Variants in GRB2 observed in about 807,000 individuals in gnomAD.
GRB2 encodes growth factor receptor bound protein 2.
In GRB2, 2 loss-of-function variants were observed where a neutral mutation model predicts 27.4. That is an observed-to-expected ratio of 0.07 (90% CI 0.03 to 0.23). The LOEUF is 0.23. GRB2 is among the 10% of genes least tolerant of loss of function. The probability of loss-of-function intolerance (pLI) is 1.00; values close to 1 mark genes in which losing one functional copy is unlikely to be tolerated. For synonymous variants in GRB2, 94 were observed against 99.6 expected (o/e 0.94, Z 0.33); for missense variants, 102 against 282.4 (o/e 0.36, Z 4.58).
chr17:75,364,180 A>G (rs951935376), intron 2 of GRB2, among the ~76,000 whole-genome samples: 7 of 152,184 alleles, frequency 4.6e-5, no homozygotes, highest in Non-Finnish European at 8.8e-5. Context: ...ACGCATAGCC[A>G]CCAAGCTGCC....
chr17:75,402,496 T>G (rs533188294), intron 1 of GRB2, among the ~76,000 whole-genome samples: 42 of 152,256 alleles, frequency 2.8e-4, no homozygotes, highest in Non-Finnish European at 5.0e-4. Flanking sequence ...AATGTAATTT[T>G]AAGTTGAATT....
chr17:75,404,782 G>A (rs1342053976), intron 1 of GRB2: 1 of 152,146 alleles, frequency 6.6e-6, no homozygotes, highest in African/African-American at 2.4e-5. Flanking sequence ...CACTTTCACA[G>A]CGTTTGAAGC....
At chr17:75,387,809 A>G (rs1380565773) in intron 2 of GRB2, 1 of 146,476 alleles carries the variant, frequency 6.8e-6, no homozygotes, top group East Asian at 1.9e-4. Context: ...AAAAAAAAAC[A>G]AAACAAAAAA....
At chr17:75,340,634 G>A (rs1010286022) in intron 2 of GRB2, among the ~76,000 whole-genome samples, 2 of 152,204 alleles carry the variant, frequency 1.3e-5, no homozygotes, top group African/African-American at 4.8e-5. Flanking sequence ...TCAGGTGCCT[G>A]ATTACGTATT....
intron 2 of GRB2, among the ~76,000 whole-genome samples, chr17:75,365,356 G>A (rs1440237858): frequency 2.0e-5 from 3 of 152,074 alleles, no homozygotes; most frequent in African/African-American, 7.2e-5. Flanking sequence ...AAATCTTCCT[G>A]GACAGAACTT....
At position 75,393,711 on chromosome 17, in the gene GRB2, A is replaced by C. The variant is rs1220627428; in HGVS notation, c.-83T>G. ...TGAAGCAACCCAGCGCTCTGGGCTT[A>C]GCCTCGCCTCTCTTCTGGGACTCGC... On this transcript the variant is annotated 5_prime_UTR_variant, in exon 2 of 6. Transcript: ENST00000316804. The C allele has an allele frequency of 8.4e-6, 9 of 1,066,604 alleles. No homozygotes were observed. The highest frequency in any genetic ancestry group is 1.3e-5 in the Non-Finnish European group (9 of 692,714). The allele number at this position is 1,066,604 out of a possible 1,614,324, so 66.1% of individuals were successfully genotyped here. A position where few individuals can be genotyped will look rare whatever the true frequency, so the allele number is the denominator to read the frequency against.
chr17:75,399,722 T>C (rs2079052148), intron 1 of GRB2, among the ~76,000 whole-genome samples: 2 of 151,074 alleles, frequency 1.3e-5, no homozygotes, highest in Admixed American at 1.3e-4. Flanking sequence ...CCCAGGCTGG[T>C]GTAGTGACGC....
At chr17:75,397,411 C>A (rs540250745) in intron 1 of GRB2, among the ~76,000 whole-genome samples, 2 of 152,318 alleles carry the variant, frequency 1.3e-5, no homozygotes, top group South Asian at 4.1e-4. Flanking sequence ...AACCTCGAAA[C>A]TGTTACCAGC....
chr17:75,337,199 A>C (rs1015977473), intron 2 of GRB2, among the ~76,000 whole-genome samples: 1 of 152,186 alleles, frequency 6.6e-6, no homozygotes, highest in African/African-American at 2.4e-5. Flanking sequence ...CCGGAGGCAA[A>C]ACACAGGATG....
At chr17:75,327,817 C>A (rs924618514) in intron 3 of GRB2, among the ~76,000 whole-genome samples, 2 of 152,114 alleles carry the variant, frequency 1.3e-5, no homozygotes, top group African/African-American at 4.8e-5. Context: ...GTGTGTGTGT[C>A]AGCCTCTAGG....
intron 2 of GRB2, among the ~76,000 whole-genome samples, chr17:75,364,858 G>C (rs2078809438): frequency 1.3e-5 from 2 of 151,690 alleles, no homozygotes; most frequent in Admixed American, 6.6e-5. Flanking sequence ...CAGCCAAGCA[G>C]AAAAAGGCAG....
At chr17:75,333,507 A>G (rs1237741555) in intron 2 of GRB2, among the ~76,000 whole-genome samples, 1 of 152,212 alleles carries the variant, frequency 6.6e-6, no homozygotes, top group African/African-American at 2.4e-5. Flanking sequence ...GAGGTGTCAC[A>G]GCAGAACTAA....
intron 2 of GRB2, among the ~76,000 whole-genome samples, chr17:75,389,036 G>T (rs2078982387): frequency 6.6e-6 from 1 of 151,972 alleles, no homozygotes; most frequent in African/African-American, 2.4e-5. Flanking sequence ...CCGATTACTT[G>T]CCACCATCCA....
At chr17:75,347,608 C>T (rs1235434259) in intron 2 of GRB2, among the ~76,000 whole-genome samples, 1 of 152,134 alleles carries the variant, frequency 6.6e-6, no homozygotes, top group African/African-American at 2.4e-5. Flanking sequence ...AATTCTTCTC[C>T]ACCCTCCTCA....
chr17:75,386,442 C>T (rs775470091), intron 2 of GRB2, among the ~76,000 whole-genome samples: 11 of 152,150 alleles, frequency 7.2e-5, no homozygotes, highest in Non-Finnish European at 5.9e-5. Flanking sequence ...TAAAATGTTA[C>T]TTGCTGGATC....
At chr17:75,330,922 A>C (rs1311100299) in intron 3 of GRB2, among the ~76,000 whole-genome samples, 1 of 152,116 alleles carries the variant, frequency 6.6e-6, no homozygotes, top group African/African-American at 2.4e-5. Flanking sequence ...TTGTAGTCTA[A>C]TTTGTTAACT....
At chr17:75,327,360 T>C (rs1248993585) in intron 3 of GRB2, among the ~76,000 whole-genome samples, 21 of 147,614 alleles carry the variant, frequency 1.4e-4, no homozygotes, top group African/African-American at 5.3e-4. Flanking sequence ...ATTACAGGCA[T>C]GAGCCACTAC....
intron 1 of GRB2, among the ~76,000 whole-genome samples, chr17:75,400,190 T>C (rs2079055378): frequency 6.6e-6 from 1 of 151,996 alleles, no homozygotes; most frequent in African/African-American, 2.4e-5. Context: ...ACTCCTTTTT[T>C]TGAGATGGAG....
At chr17:75,339,797 T>G (rs1446180664) in intron 2 of GRB2, among the ~76,000 whole-genome samples, 1 of 151,902 alleles carries the variant, frequency 6.6e-6, no homozygotes, top group Non-Finnish European at 1.5e-5. Context: ...TGGCTAATTG[T>G]TTTGTATTTT....
Sources: allele counts gnomAD v4.1 joint callset (sites outside exome capture counted in the v4.1 genomes callset), GRCh38; gene constraint gnomAD v4.1.1; transcripts MANE v1.5; gene names NCBI Gene and HGNC (gene_info 2026-07-23, HGNC 2026-07-21).